Variants in DNAH14 observed in about 807,000 individuals in gnomAD.
DNAH14 encodes axonemal beta dynein heavy chain 14.
Under a neutral mutation model 520.9 loss-of-function variants are expected in DNAH14, and 478 were observed. The observed-to-expected ratio is 0.92, with a 90% CI of 0.85 to 0.99. The LOEUF is 0.99. Ranked by LOEUF, DNAH14 falls within the 50% of genes least tolerant of loss-of-function variation. DNAH14 has a pLI of 0.00. For synonymous variants in DNAH14, 1,581 were observed against 1,757.2 expected (o/e 0.90, Z 2.51); for missense variants, 4,831 against 5,234.5 (o/e 0.92, Z 2.38).
chr1:225,331,446 C>A lies in DNAH14; in HGVS notation c.9733C>A (p.His3245Asn). ...KQRGLQLVEE[H>N]LLFLQAAYKD... ...ATTAATTATCTTTCAGGTTGAAGAA[C>A]ATTTGCTGTTTTTACAGGCAGCTTA... The change falls in exon 65 of 86, where the codon CAT becomes AAT. Residue 3245 changes from histidine to asparagine, a missense_variant. Coordinates refer to ENST00000682510, the MANE Select transcript of DNAH14 (RefSeq NM_001367479.1). 1 of 1,550,318 alleles carries A rather than the reference C, an allele frequency of 6.5e-7. No homozygotes were observed. The highest frequency in any genetic ancestry group is 1.2e-5 in the South Asian group (1 of 83,652).
intron 1 of DNAH14, among the ~76,000 whole-genome samples, chr1:224,936,514 A>G (rs772166703): frequency 2.0e-5 from 3 of 152,020 alleles, no homozygotes; most frequent in Non-Finnish European, 4.4e-5. Context: ...TTAAGATTGA[A>G]CCATGAAGAA....
In DNAH14 at chr1:225,331,386, G is replaced by A. The variant is rs2094794320; in HGVS notation, c.9724-51G>A. 42 of 1,521,158 alleles carry A rather than the reference G, an allele frequency of 2.8e-5. 1 individual carries two copies. The South Asian group carries it at 4.9e-4, about 18-fold the overall frequency. 94.2% of individuals were successfully genotyped at this position (1,521,158 alleles called of 1,614,324 possible). ...TATAAATGACAGCTAAAGTCTTGAAGCAAAATGAGAGTAAGATATTTTTCT... is the reference window on the plus strand; with the variant it reads ...TATAAATGACAGCTAAAGTCTTGAAACAAAATGAGAGTAAGATATTTTTCT... On this transcript the variant is annotated intron_variant, in intron 64 of 85. Coordinates refer to ENST00000682510, the MANE Select transcript of DNAH14 (RefSeq NM_001367479.1).
Position 225,388,478 on chromosome 1 carries a change from G to T in DNAH14, c.13177G>T (p.Ala4393Ser). The T allele has an allele frequency of 6.6e-7, 1 of 1,506,610 alleles. No homozygotes were observed. Among genetic ancestry groups the T allele is most frequent in the Non-Finnish European group, 9.0e-7 (1 of 1,111,312 alleles). The allele number at this position is 1,506,610 out of a possible 1,614,324, so 93.3% of individuals were successfully genotyped here. Residue 4393 changes from alanine (A) to serine (S), a missense_variant, in exon 82 of 86, where the codon GCA (alanine) becomes TCA (serine). Transcript: ENST00000682510. ...FNTWAKVAYT[A>S]IQRRYMRFVT... ...TACTTGGGCCAAAGTGGCTTATACT[G>T]CAATACAGCGTCGGTATGGATAAAA...
chr1:225,076,273 G>T (rs2072265588), intron 17 of DNAH14, among the ~76,000 whole-genome samples: 1 of 152,128 alleles, frequency 6.6e-6, no homozygotes. Flanking sequence ...TGCCAGGGTG[G>T]GTCTGGAGGC....
chr1:225,112,081 C>T (rs189282170), intron 23 of DNAH14, among the ~76,000 whole-genome samples: 1 of 152,178 alleles, frequency 6.6e-6, no homozygotes, highest in African/African-American at 2.4e-5. Flanking sequence ...TTACACACCA[C>T]AATTACAGCA....
chr1:225,361,287 A>G (rs2095489318), intron 75 of DNAH14, among the ~76,000 whole-genome samples: 1 of 152,206 alleles, frequency 6.6e-6, no homozygotes, highest in Non-Finnish European at 1.5e-5. Flanking sequence ...GATTCATTTT[A>G]TGGCCTTTGC....
At position 224,929,773 on chromosome 1, in the gene DNAH14, G is replaced by A. The variant is rs1308406137; in HGVS notation, c.-96G>A. On this transcript the variant is annotated 5_prime_UTR_variant, in exon 1 of 86. Transcript: ENST00000682510. ...CCTAGTCTGGCGCTCGCCGGCGTGGGCGGGCCGGACCTTCGCCGCTTCCAG... is the reference window on the plus strand; with the variant it reads ...CCTAGTCTGGCGCTCGCCGGCGTGGACGGGCCGGACCTTCGCCGCTTCCAG... 1.4e-6 allele frequency: 1 copy of A among 701,730 alleles called. No individual in the cohort carries two copies. Among genetic ancestry groups the A allele is most frequent in the Non-Finnish European group, 2.6e-6 (1 of 384,494 alleles). The allele number at this position is 701,730 out of a possible 1,614,324, so 43.5% of individuals were successfully genotyped here.
At chr1:225,119,683 T>C (rs2077145640) in intron 26 of DNAH14, among the ~76,000 whole-genome samples, 1 of 152,244 alleles carries the variant, frequency 6.6e-6, no homozygotes, top group African/African-American at 2.4e-5. Context: ...GATTGTTTAC[T>C]TGGCTTACTC....
In DNAH14 at chr1:224,974,114, G is replaced by A. The variant is rs1313661141; in HGVS notation, c.791G>A (p.Trp264Ter). The A allele has an allele frequency of 2.7e-6, 4 of 1,504,092 alleles. No individual in the cohort carries two copies. Among genetic ancestry groups the A allele is most frequent in the Non-Finnish European group, 3.6e-6 (4 of 1,121,048 alleles). 93.2% of individuals were successfully genotyped at this position (1,504,092 alleles called of 1,614,324 possible). Residue 264 changes from tryptophan (W) to a stop codon, truncating the protein, a stop_gained, in exon 8 of 86, where the codon TGG becomes TAG. Coordinates refer to ENST00000682510, the MANE Select transcript of DNAH14 (RefSeq NM_001367479.1). LOFTEE classifies it high-confidence loss of function. ...AGAATGAATAAAGCATTTGTTACCTGGAAATTGAATGTTAAAAGAATTAAG... is the reference window on the plus strand; with the variant it reads ...AGAATGAATAAAGCATTTGTTACCTAGAAATTGAATGTTAAAAGAATTAAG... ...DFRMNKAFVT[W>*]KLNVKRIKTE...
chr1:225,205,555 T>C (rs772289200), intron 39 of DNAH14, among the ~76,000 whole-genome samples: 1 of 152,206 alleles, frequency 6.6e-6, no homozygotes, highest in Non-Finnish European at 1.5e-5. Context: ...AAATATAGTA[T>C]ACTTTAAACT....
chr1:225,355,638 A>C (rs180984872), intron 73 of DNAH14, among the ~76,000 whole-genome samples: 1 of 152,340 alleles, frequency 6.6e-6, no homozygotes, highest in Admixed American at 6.5e-5. Context: ...TTTAAGCAAA[A>C]ATAACTAAAA....
intron 12 of DNAH14, 148 bp from the exon 13 acceptor site, chr1:225,042,687 A>G (rs2067591855): frequency 1.2e-6 from 1 of 815,948 alleles, no homozygotes; most frequent in South Asian, 2.1e-5. Context: ...TTATTTTAAC[A>G]TGCAAGTGTC....
In DNAH14 at chr1:225,331,308, C is replaced by T. The variant is rs527878682; in HGVS notation, c.9724-129C>T. 5.9e-5 allele frequency: 49 copies of T among 829,898 alleles called. No homozygotes were observed. The Middle Eastern group carries it at 1.1e-3, about 19-fold the overall frequency. 51.4% of individuals were successfully genotyped at this position (829,898 alleles called of 1,614,324 possible). A position where few individuals can be genotyped will look rare whatever the true frequency, so the allele number is the denominator to read the frequency against. ...TGTCCATTTTCATTGGTAATATAAT[C>T]CCTCCAGAAAGATTTTCCAGGATGT... On this transcript the variant is annotated intron_variant, in intron 64 of 85. Coordinates refer to ENST00000682510, the MANE Select transcript of DNAH14 (RefSeq NM_001367479.1).
intron 84 of DNAH14, chr1:225,398,046 C>CAAAAAAAAAA (rs11458055): frequency 3.0e-5 from 2 of 66,806 alleles, no homozygotes; most frequent in African/African-American, 1.3e-4. Flanking sequence ...GACCCCATGT[C>CAAAAAAAAAA]AAAAAAAAAA....
chr1:225,240,712 A>C lies in DNAH14; in HGVS notation c.6638A>C (p.His2213Pro), dbSNP rs1364587251. ...FGGALNREDEHRENIPFCPSL... is the reference protein window; with the variant it reads ...FGGALNREDEPRENIPFCPSL... ...GGAGCTTTAAACCGTGAAGATGAAC[A>C]CAGAGAAAATATACCATTTTGTCCC... Residue 2213 changes from histidine to proline, a missense_variant, in exon 43 of 86, where the codon CAC (histidine) becomes CCC (proline). By Grantham distance (77) the His-to-Pro change is moderately conservative. Coordinates refer to ENST00000682510, the MANE Select transcript of DNAH14 (RefSeq NM_001367479.1). The C allele has an allele frequency of 6.4e-7, 1 of 1,551,034 alleles. No homozygotes were observed. The highest frequency in any genetic ancestry group is 1.4e-5 in the African/African-American group (1 of 73,052).
At chr1:225,085,463 C>A in intron 20 of DNAH14, 81 bp from the exon 21 acceptor site, 1 of 1,277,452 alleles carries the variant, frequency 7.8e-7, no homozygotes, top group Non-Finnish European at 1.1e-6. Flanking sequence ...CCTTTCAAAA[C>A]TTGCATTTAA....
At position 225,282,185 on chromosome 1, in the gene DNAH14, A is replaced by G. The variant is rs560373255; in HGVS notation, c.8271+4683A>G. Among the ~76,000 whole-genome samples the G allele has an allele frequency of 5.3e-5, 8 of 152,352 alleles. No homozygotes were observed. The South Asian group carries it at 1.7e-3, about 32-fold the overall frequency. On this transcript the variant is annotated intron_variant, in intron 54 of 85. Transcript: ENST00000682510. ...GAACCCAAGCAAGTCAGGGCCAAAC[A>G]CACCGATGGCAGACAAGTTTCAAAG...
At chr1:224,970,475 C>T (rs2061439188) in intron 7 of DNAH14, among the ~76,000 whole-genome samples, 1 of 152,124 alleles carries the variant, frequency 6.6e-6, no homozygotes, top group Non-Finnish European at 1.5e-5. Flanking sequence ...GTGACCCACA[C>T]CCTATTCGTA....
intron 27 of DNAH14, among the ~76,000 whole-genome samples, chr1:225,136,875 T>G (rs2078993386): frequency 6.6e-6 from 1 of 152,222 alleles, no homozygotes; most frequent in Non-Finnish European, 1.5e-5. Context: ...CATTATTATT[T>G]TCTACCTCTC....
Sources: allele counts gnomAD v4.1 joint callset (sites outside exome capture counted in the v4.1 genomes callset), GRCh38; gene constraint gnomAD v4.1.1; transcripts MANE v1.5; gene names NCBI Gene and HGNC (gene_info 2026-07-23, HGNC 2026-07-21).